SPTBN1: variants seen among roughly 807,000 people sequenced by gnomAD.
SPTBN1 encodes spectrin beta, non-erythrocytic 1.
A neutral mutation model predicts 266.4 loss-of-function variants in SPTBN1; 32 were observed. That is an observed-to-expected ratio of 0.12 (90% CI 0.09 to 0.16). The LOEUF is 0.16. Ranked by LOEUF, SPTBN1 falls within the 10% of genes least tolerant of loss-of-function variation. The probability of loss-of-function intolerance (pLI) is 1.00; values close to 1 mark genes in which losing one functional copy is unlikely to be tolerated. For synonymous variants in SPTBN1, 1,336 were observed against 1,162.2 expected, an observed-to-expected ratio of 1.15 and a Z score of -3.04; for missense variants, 2,296 against 3,067.1, an observed-to-expected ratio of 0.75 and a Z score of 5.94.
rs886213800 is a variant in SPTBN1, at chr2:54,546,975, C to A, written c.148+20409C>A. 1.4e-3 allele frequency among the ~76,000 whole-genome samples: 205 copies of A among 141,838 alleles called. 2 individuals carry two copies. The East Asian group carries it at 0.016, about 11-fold the overall frequency. The allele number at this position is 141,838 out of a possible 152,430, so 93.1% of individuals were successfully genotyped here. On this transcript the variant is annotated intron_variant, in intron 2 of 35. Coordinates refer to ENST00000356805, the MANE Select transcript of SPTBN1 (RefSeq NM_003128.3). ...AATGGTGGTAAAAAAAAAAAAAAAA[C>A]CACATAACATAAGGTTTACCATGTT...
intron 2 of SPTBN1, among the ~76,000 whole-genome samples, chr2:54,531,582 C>G (rs1179053024): frequency 6.6e-6 from 1 of 151,716 alleles, no homozygotes; most frequent in African/African-American, 2.4e-5. Flanking sequence ...TGCCACAAAG[C>G]CTGGCTATAT....
intron 29 of SPTBN1, among the ~76,000 whole-genome samples, chr2:54,657,252 C>T (rs1558477194): frequency 6.6e-6 from 1 of 152,230 alleles, no homozygotes; most frequent in African/African-American, 2.4e-5. Flanking sequence ...CCTTCCCTCC[C>T]TCTAAACCCC....
At chr2:54,514,904 A>T (rs1475457049) in intron 1 of SPTBN1, among the ~76,000 whole-genome samples, 1 of 151,832 alleles carries the variant, frequency 6.6e-6, no homozygotes, top group African/African-American at 2.4e-5. Flanking sequence ...TGATAACAAA[A>T]CCCCCTTCTT....
chr2:54,531,003 T>C (rs1470170705), intron 2 of SPTBN1, among the ~76,000 whole-genome samples: 1 of 152,160 alleles, frequency 6.6e-6, no homozygotes, highest in East Asian at 1.9e-4. Flanking sequence ...GGGGAGTTGG[T>C]GTAGGTAGGG....
At chr2:54,470,958 A>G (rs553479508) in intron 1 of SPTBN1, among the ~76,000 whole-genome samples, 16 of 152,218 alleles carry the variant, frequency 1.1e-4, no homozygotes, top group Non-Finnish European at 1.8e-4. Context: ...ATTTTTTGTG[A>G]TATTTATAGC....
intron 2 of SPTBN1, among the ~76,000 whole-genome samples, chr2:54,587,472 T>G (rs1412020595): frequency 6.6e-6 from 1 of 152,232 alleles, no homozygotes; most frequent in African/African-American, 2.4e-5. Flanking sequence ...TCTGCCGTTC[T>G]GTGTTGTTTA....
At chr2:54,545,178 A>G (rs1211699290) in intron 2 of SPTBN1, among the ~76,000 whole-genome samples, 16 of 152,196 alleles carry the variant, frequency 1.1e-4, no homozygotes, top group Non-Finnish European at 1.9e-4. Context: ...ATGTATCATT[A>G]ATGGGCATTT....
intron 1 of SPTBN1, among the ~76,000 whole-genome samples, chr2:54,468,364 A>ATATT (rs1421383983): frequency 1.8e-4 from 27 of 151,938 alleles, no homozygotes; most frequent in African/African-American, 6.0e-4. Flanking sequence ...GTGTGTATAT[A>ATATT]TATTTATTTA....
chr2:54,526,695 T>A (rs137947449), intron 2 of SPTBN1, 129 bp downstream of exon 2: 1 of 1,184,108 alleles, frequency 8.4e-7, no homozygotes, highest in East Asian at 2.8e-5. Context: ...AATGTGTCCT[T>A]GAGAGCCAGC....
chr2:54,513,419 G>C (rs1669958244), intron 1 of SPTBN1, among the ~76,000 whole-genome samples: 1 of 152,174 alleles, frequency 6.6e-6, no homozygotes, highest in Non-Finnish European at 1.5e-5. Context: ...GGAGAAGTCA[G>C]ATTACAAATA....
rs1673046921 is a variant in SPTBN1 at position 54,558,630 on chromosome 2, A to G, written c.148+32064A>G. Reference sequence around the variant, plus strand: ...TGGACTCTCTTGCAGCCAACTTCCCATCAGATCACCCTGCTGGACTTGCAG... The same window carrying G: ...TGGACTCTCTTGCAGCCAACTTCCCGTCAGATCACCCTGCTGGACTTGCAG... On this transcript the variant is annotated intron_variant, in intron 2 of 35. Transcript: ENST00000356805. The surrounding 1 kb of genome is among the most constrained non-coding windows in gnomAD (Gnocchi z 4.6). 2.7e-6 allele frequency: 4 copies of G among 1,465,496 alleles called. No homozygotes were observed. Among genetic ancestry groups the G allele is most frequent in the Non-Finnish European group, 2.7e-6 (3 of 1,107,990 alleles). 90.8% of individuals were successfully genotyped at this position (1,465,496 alleles called of 1,614,324 possible).
intron 1 of SPTBN1, among the ~76,000 whole-genome samples, chr2:54,525,339 C>A (rs995227857): frequency 8.6e-5 from 13 of 151,914 alleles, no homozygotes; most frequent in African/African-American, 3.1e-4. Flanking sequence ...TCCGGCTCCT[C>A]GGTTCAAGCA....
intron 1 of SPTBN1, among the ~76,000 whole-genome samples, chr2:54,525,983 C>T (rs1342741272): frequency 4.6e-5 from 7 of 152,258 alleles, no homozygotes; most frequent in East Asian, 1.9e-4. Flanking sequence ...CTGCCCACCT[C>T]GGCCTCCTAA....
chr2:54,588,610 A>G (rs1558873050), intron 2 of SPTBN1, among the ~76,000 whole-genome samples: 1 of 152,136 alleles, frequency 6.6e-6, no homozygotes, highest in African/African-American at 2.4e-5. Flanking sequence ...GGCTGTAATG[A>G]AGGAGGGAAA....
chr2:54,619,814 C>G (rs1200396330), intron 7 of SPTBN1, among the ~76,000 whole-genome samples: 1 of 152,134 alleles, frequency 6.6e-6, no homozygotes, highest in Non-Finnish European at 1.5e-5. Context: ...TGATTCTGGC[C>G]CTCACAACCA....
rs754552128 is a variant in SPTBN1 at position 54,628,285 on chromosome 2, T to C, written c.1798+35T>C. On this transcript the variant is annotated intron_variant, in intron 13 of 35. Transcript: ENST00000356805. This position sits in a 1 kb window ranked among gnomAD's most constrained non-coding sequence, Gnocchi z 4.3. ...GCCCATTCCAAGCATTACCTCCGGG[T>C]CACCAGAGATTCATATTTATAGAAA... The C allele has an allele frequency of 1.8e-5, 29 of 1,578,152 alleles. No homozygotes were observed. Among genetic ancestry groups the C allele is most frequent in the Non-Finnish European group, 2.4e-5 (28 of 1,162,978 alleles).
rs1291839400 is a variant in SPTBN1, at chr2:54,533,172, C to T, written c.148+6606C>T. Among the ~76,000 whole-genome samples, 1 of 152,094 alleles carries T rather than the reference C, an allele frequency of 6.6e-6. No individual in the cohort carries two copies. The highest frequency in any genetic ancestry group is 1.5e-5 in the Non-Finnish European group (1 of 68,024). ...GTGTCTGCTGGACAAAGGGATGATT[C>T]ACATACCAGGCGGGATGGAGCGAGA... On this transcript the variant is annotated intron_variant, in intron 2 of 35. Coordinates refer to ENST00000356805, the MANE Select transcript of SPTBN1 (RefSeq NM_003128.3). The surrounding 1 kb of genome is among the most constrained non-coding windows in gnomAD (Gnocchi z 4.2).
intron 12 of SPTBN1, among the ~76,000 whole-genome samples, chr2:54,627,864 A>G (rs550776677): frequency 1.4e-4 from 18 of 130,074 alleles, no homozygotes; most frequent in Non-Finnish European, 2.3e-4. Flanking sequence ...TGACTTACTT[A>G]TTCCAAGTTT....
Position 54,649,584 on chromosome 2 carries a change from T to C in SPTBN1, c.5203-31T>C, listed in dbSNP as rs1453162981. ...AAGAAATACAGAGTTCACAGTGGGCTCTCTGATTTCCTTACCCATCCCCGT... is the reference window on the plus strand; with the variant it reads ...AAGAAATACAGAGTTCACAGTGGGCCCTCTGATTTCCTTACCCATCCCCGT... On this transcript the variant is annotated intron_variant, in intron 25 of 35. Transcript: ENST00000356805. This position sits in a 1 kb window ranked among gnomAD's most constrained non-coding sequence, Gnocchi z 6.7. 2.5e-6 allele frequency: 4 copies of C among 1,597,462 alleles called. No individual in the cohort carries two copies. In the East Asian group the frequency reaches 9.0e-5, roughly 36 times the overall value.
Sources: allele counts gnomAD v4.1 joint callset (sites outside exome capture counted in the v4.1 genomes callset), GRCh38; gene constraint gnomAD v4.1.1; non-coding constraint Gnocchi (gnomAD v3.1); transcripts MANE v1.5; gene names NCBI Gene and HGNC (gene_info 2026-07-23, HGNC 2026-07-21).